TRAF3: variants seen among roughly 807,000 people sequenced by gnomAD.
The protein encoded by TRAF3 is TNF receptor-associated factor 3.
In TRAF3, 13 loss-of-function variants were observed where a neutral mutation model predicts 62.3. The ratio of observed to expected loss-of-function variants is 0.21; its 90% CI spans 0.14 to 0.33. TRAF3 has a LOEUF of 0.33. TRAF3 is among the 10% of genes least tolerant of loss of function. The probability of loss-of-function intolerance (pLI) is 1.00; values close to 1 mark genes in which losing one functional copy is unlikely to be tolerated. For synonymous variants in TRAF3, 269 were observed against 283.4 expected (o/e 0.95, Z 0.51); for missense variants, 440 against 741.8 (o/e 0.59, Z 4.73).
intron 1 of TRAF3, among the ~76,000 whole-genome samples, chr14:102,787,601 C>T (rs560591209): frequency 1.4e-4 from 22 of 151,796 alleles, no homozygotes; most frequent in African/African-American, 4.8e-4. Context: ...GCAGGAGAAT[C>T]GCTTGAATTC....
intron 9 of TRAF3, among the ~76,000 whole-genome samples, chr14:102,892,208 C>T (rs140776994): frequency 7.6e-4 from 116 of 152,276 alleles, no homozygotes; most frequent in African/African-American, 2.7e-3. Flanking sequence ...CAGGTGCGCA[C>T]CACCACACCC....
At chr14:102,897,833 C>T (rs150949803) in intron 10 of TRAF3, among the ~76,000 whole-genome samples, 5 of 152,362 alleles carry the variant, frequency 3.3e-5, no homozygotes, top group South Asian at 2.1e-4. Flanking sequence ...CGCGCTCACC[C>T]GCTGGGTTTC....
chr14:102,862,321 C>T (rs996167648), intron 2 of TRAF3, among the ~76,000 whole-genome samples: 9 of 151,440 alleles, frequency 5.9e-5, no homozygotes, highest in African/African-American at 2.2e-4. Flanking sequence ...ATTGCTTGAT[C>T]CCAGGAGTTG....
At chr14:102,787,090 C>T (rs1329653292) in intron 1 of TRAF3, among the ~76,000 whole-genome samples, 1 of 152,088 alleles carries the variant, frequency 6.6e-6, no homozygotes, top group African/African-American at 2.4e-5. Context: ...CTTTCCTTTC[C>T]TGAGTGGTTT....
intron 2 of TRAF3, among the ~76,000 whole-genome samples, chr14:102,867,347 C>A (rs1408857194): frequency 1.3e-5 from 2 of 152,142 alleles, no homozygotes; most frequent in Admixed American, 1.3e-4. Flanking sequence ...AAAGACCTTA[C>A]AAAAATAGGC....
In TRAF3 at chr14:102,791,025, T is replaced by C. The variant is rs564501016; in HGVS notation, c.-157+13350T>C. ...CGTGAGATGTCTTTTCTTTTCTTTT[T>C]TTTTTTTTTTTCGAGAGGGAGTCTC... On this transcript the variant is annotated intron_variant, in intron 1 of 11. Coordinates refer to ENST00000392745, the MANE Select transcript of TRAF3 (RefSeq NM_145725.3). 6.9e-4 allele frequency among the ~76,000 whole-genome samples: 104 copies of C among 150,904 alleles called. 1 individual carries two copies. The highest frequency in any genetic ancestry group is 2.7e-3 in the Admixed American group (41 of 15,158).
intron 1 of TRAF3, among the ~76,000 whole-genome samples, chr14:102,815,097 G>C (rs1197824933): frequency 1.3e-5 from 2 of 151,952 alleles, no homozygotes; most frequent in Non-Finnish European, 2.9e-5. Flanking sequence ...ATTATGCCTG[G>C]TTAATTTTTT....
At chr14:102,875,836 A>G in intron 5 of TRAF3, 108 bp downstream of exon 5, 8 of 984,904 alleles carry the variant, frequency 8.1e-6, no homozygotes, top group South Asian at 5.2e-5. Context: ...CCATGTTGAC[A>G]TTAGTTTTTC....
intron 2 of TRAF3, among the ~76,000 whole-genome samples, chr14:102,834,687 C>CAA (rs35056615): frequency 1.3e-4 from 7 of 54,190 alleles, no homozygotes; most frequent in Non-Finnish European, 1.7e-4. Context: ...GACTCCGTCT[C>CAA]AAAAAAAAAA....
intron 1 of TRAF3, among the ~76,000 whole-genome samples, chr14:102,780,339 C>T (rs916081074): frequency 1.3e-5 from 2 of 151,094 alleles, no homozygotes; most frequent in South Asian, 4.2e-4. Flanking sequence ...AAAAAAAAAC[C>T]GAGAAAATGT....
intron 1 of TRAF3, among the ~76,000 whole-genome samples, chr14:102,816,207 A>G (rs996459477): frequency 2.0e-5 from 3 of 151,702 alleles, no homozygotes; most frequent in Admixed American, 2.0e-4. Context: ...GGCTCAGGTG[A>G]TCCTCTCACC....
chr14:102,838,455 A>C (rs1477658202), intron 2 of TRAF3, among the ~76,000 whole-genome samples: 1 of 152,216 alleles, frequency 6.6e-6, no homozygotes, highest in East Asian at 1.9e-4. Context: ...GTTTAATTCA[A>C]CAAACAAGTG....
At chr14:102,850,576 C>T (rs1886972528) in intron 2 of TRAF3, among the ~76,000 whole-genome samples, 1 of 151,456 alleles carries the variant, frequency 6.6e-6, no homozygotes, top group Non-Finnish European at 1.5e-5. Context: ...CACCTGTAAT[C>T]CCAGCTACTC....
At chr14:102,901,229 A>T (rs997187019) in intron 10 of TRAF3, among the ~76,000 whole-genome samples, 3 of 152,040 alleles carry the variant, frequency 2.0e-5, no homozygotes, top group Admixed American at 6.6e-5. Context: ...GCCCTTGCGT[A>T]GCACAATCGC....
intron 2 of TRAF3, among the ~76,000 whole-genome samples, chr14:102,837,508 A>G (rs184211724): frequency 2.6e-5 from 4 of 152,232 alleles, no homozygotes; most frequent in South Asian, 2.1e-4. Flanking sequence ...CTTAAAATCT[A>G]TTTTGAAGTC....
intron 3 of TRAF3, among the ~76,000 whole-genome samples, chr14:102,870,858 G>A (rs533954999): frequency 6.6e-6 from 1 of 152,264 alleles, no homozygotes; most frequent in South Asian, 2.1e-4. Flanking sequence ...GACTGGACAG[G>A]TCCCTACCCG....
intron 2 of TRAF3, among the ~76,000 whole-genome samples, chr14:102,841,057 G>T (rs769492546): frequency 6.6e-6 from 1 of 152,180 alleles, no homozygotes; most frequent in East Asian, 1.9e-4. Context: ...GGACGTGGAC[G>T]CATTACAATA....
intron 10 of TRAF3, among the ~76,000 whole-genome samples, chr14:102,901,044 G>A (rs867987622): frequency 1.3e-5 from 2 of 152,236 alleles, no homozygotes; most frequent in South Asian, 2.1e-4. Flanking sequence ...TACAGATGAA[G>A]TGCCTGTTTT....
intron 1 of TRAF3, among the ~76,000 whole-genome samples, chr14:102,788,292 C>A (rs1245530080): frequency 1.3e-5 from 2 of 152,180 alleles, no homozygotes; most frequent in African/African-American, 2.4e-5. Context: ...ACATAACATA[C>A]AATTAAGCAT....
Sources: allele counts gnomAD v4.1 joint callset (sites outside exome capture counted in the v4.1 genomes callset), GRCh38; gene constraint gnomAD v4.1.1; transcripts MANE v1.5; gene names NCBI Gene and HGNC (gene_info 2026-07-23, HGNC 2026-07-21).